Variants in TENM3 observed in about 807,000 individuals in gnomAD.
The protein encoded by TENM3 is teneurin-3.
In TENM3, 63 loss-of-function variants were observed where a neutral mutation model predicts 255.1. The ratio of observed to expected loss-of-function variants is 0.25; its 90% CI spans 0.20 to 0.30. The LOEUF is 0.30. Ranked by LOEUF, TENM3 falls within the 10% of genes least tolerant of loss-of-function variation. The pLI, the probability that TENM3 is intolerant of heterozygous loss-of-function variation, is 1.00. For synonymous variants in TENM3, 1,306 were observed against 1,322.3 expected (o/e 0.99, Z 0.27); for missense variants, 2,929 against 3,461.1 (o/e 0.85, Z 3.86).
the TENM3 span, among the ~76,000 whole-genome samples, chr4:181,999,274 A>G: frequency 1.3e-5 from 2 of 152,184 alleles, no homozygotes; most frequent in Admixed American, 1.3e-4. Context: ...GTCAGGACTT[A>G]AAGACCAGGC....
chr4:181,793,440 C>G, the TENM3 span, among the ~76,000 whole-genome samples: 1,941 of 152,286 alleles, frequency 0.013, 15 homozygotes, highest in South Asian at 0.045. Context: ...CAGCTCTCCA[C>G]AGGCCTATCT....
At chr4:181,528,872 AACAC>A in the TENM3 span, among the ~76,000 whole-genome samples, 3 of 151,954 alleles carry the variant, frequency 2.0e-5, no homozygotes, top group Non-Finnish European at 4.4e-5. Flanking sequence ...CTGATAACCA[AACAC>A]ACACACACAT....
At chr4:181,481,229 A>T in the TENM3 span, among the ~76,000 whole-genome samples, 1 of 152,084 alleles carries the variant, frequency 6.6e-6, no homozygotes, top group East Asian at 1.9e-4. Flanking sequence ...CATTCACAGA[A>T]TACACAAATG....
chr4:182,664,710 A>G (rs1351773396), intron 6 of TENM3, among the ~76,000 whole-genome samples: 2 of 152,208 alleles, frequency 1.3e-5, no homozygotes, highest in African/African-American at 4.8e-5. Flanking sequence ...ATAGGAAAGC[A>G]AAACAGCCTT....
the TENM3 span, among the ~76,000 whole-genome samples, chr4:181,950,039 G>A: frequency 0.38 from 57,707 of 151,726 alleles, 11,262 homozygotes; most frequent in African/African-American, 0.45. Flanking sequence ...ACGTATATAC[G>A]CAGATGGCCT....
At chr4:182,697,624 C>T (rs4241748) in intron 12 of TENM3, among the ~76,000 whole-genome samples, 71,280 of 151,532 alleles carry the variant, frequency 0.47, 17,249 homozygotes, top group East Asian at 0.79. Flanking sequence ...TTCTGAGAAC[C>T]GGGCTGATTT....
chr4:181,796,128 A>G, the TENM3 span, among the ~76,000 whole-genome samples: 5 of 152,242 alleles, frequency 3.3e-5, no homozygotes, highest in Non-Finnish European at 5.9e-5. Flanking sequence ...GCCAGCAACC[A>G]AGGTACAGAA....
intron 3 of TENM3, among the ~76,000 whole-genome samples, chr4:182,553,064 CT>C (rs1157026856): frequency 6.6e-6 from 1 of 152,048 alleles, no homozygotes; most frequent in Non-Finnish European, 1.5e-5. Flanking sequence ...TCGTAATTTG[CT>C]TTTGTAATCT....
the TENM3 span, among the ~76,000 whole-genome samples, chr4:181,938,384 T>G: frequency 1.3e-5 from 2 of 152,188 alleles, no homozygotes; most frequent in Non-Finnish European, 2.9e-5. Context: ...CCTTCAATTT[T>G]CTTATTTTAA....
At chr4:182,696,537 C>T (rs1019618591) in intron 12 of TENM3, among the ~76,000 whole-genome samples, 3 of 152,120 alleles carry the variant, frequency 2.0e-5, no homozygotes, top group Non-Finnish European at 2.9e-5. Context: ...CCATCCTGAC[C>T]AACATGGTGA....
At chr4:181,611,958 A>AT in the TENM3 span, among the ~76,000 whole-genome samples, 1 of 152,152 alleles carries the variant, frequency 6.6e-6, no homozygotes, top group East Asian at 1.9e-4. Flanking sequence ...TAATATATCT[A>AT]TTTTTTTCTG....
At chr4:181,928,872 T>A in the TENM3 span, among the ~76,000 whole-genome samples, 3 of 152,184 alleles carry the variant, frequency 2.0e-5, no homozygotes, top group Non-Finnish European at 4.4e-5. Context: ...TGGGGGCCAA[T>A]ATTCAACTTT....
chr4:182,335,377 C>A, intron 2 of TENM3, among the ~76,000 whole-genome samples: 1 of 145,496 alleles, frequency 6.9e-6, no homozygotes, highest in South Asian at 2.3e-4. Context: ...CGCCTGTAGT[C>A]CCAGCTGCTC....
chr4:182,678,081 A>G (rs1294134495), intron 7 of TENM3, among the ~76,000 whole-genome samples: 1 of 152,148 alleles, frequency 6.6e-6, no homozygotes, highest in Non-Finnish European at 1.5e-5. Context: ...TTCACCATAA[A>G]CACACTTCAG....
chr4:181,927,689 CTCCTCA>C, the TENM3 span, among the ~76,000 whole-genome samples: 1 of 152,206 alleles, frequency 6.6e-6, no homozygotes, highest in Non-Finnish European at 1.5e-5. Flanking sequence ...GACAGACTGA[CTCCTCA>C]AGTGGGTCCC....
At chr4:181,490,363 C>A in the TENM3 span, among the ~76,000 whole-genome samples, 1 of 152,300 alleles carries the variant, frequency 6.6e-6, no homozygotes, top group East Asian at 1.9e-4. Flanking sequence ...GCCTGTTTTG[C>A]AAGTTTGTGA....
chr4:181,721,493 G>A, the TENM3 span, among the ~76,000 whole-genome samples: 4 of 125,518 alleles, frequency 3.2e-5, no homozygotes, highest in Non-Finnish European at 3.4e-5. Flanking sequence ...CCAGCTACTC[G>A]GGAGGCTGAG....
chr4:182,478,286 G>A (rs1440937257), intron 3 of TENM3, among the ~76,000 whole-genome samples: 1 of 151,922 alleles, frequency 6.6e-6, no homozygotes, highest in East Asian at 1.9e-4. Context: ...TTTTTCTAAT[G>A]TCATGTGAAA....
At chr4:182,492,647 T>A (rs1407765957) in intron 3 of TENM3, among the ~76,000 whole-genome samples, 1 of 152,172 alleles carries the variant, frequency 6.6e-6, no homozygotes, top group Non-Finnish European at 1.5e-5. Context: ...TCACTGCACA[T>A]TTGTTCCTAT....
Sources: allele counts gnomAD v4.1 joint callset (sites outside exome capture counted in the v4.1 genomes callset), GRCh38; gene constraint gnomAD v4.1.1; transcripts MANE v1.5; gene names NCBI Gene and HGNC (gene_info 2026-07-23, HGNC 2026-07-21).